The following SAPCD2 variants were observed in gnomAD, a reference collection of about 807,000 sequenced individuals.
SAPCD2 encodes the protein suppressor APC domain-containing protein 2.
SAPCD2 carries 34 observed loss-of-function variants against 37.8 expected under a neutral mutation model. That is an observed-to-expected ratio of 0.90 (90% CI 0.68 to 1.20). The LOEUF is 1.20. Among genes scored for constraint, SAPCD2 ranks in the 50% most tolerant of loss-of-function variants. The pLI, the probability that SAPCD2 is intolerant of heterozygous loss-of-function variation, is 0.00. For missense variants in SAPCD2, 572 were observed against 584.7 expected (o/e 0.98, Z 0.22); for synonymous variants, 275 against 270.3 (o/e 1.02, Z -0.17).
chr9:137,069,917 G>C lies in SAPCD2; in HGVS notation c.544C>G (p.Leu182Val), dbSNP rs1832599153. 3 of 1,284,138 alleles carry C rather than the reference G, an allele frequency of 2.3e-6. No homozygotes were observed. The highest frequency in any genetic ancestry group is 3.0e-6 in the Non-Finnish European group (3 of 1,013,930). The allele number at this position is 1,284,138 out of a possible 1,614,324, so 79.5% of individuals were successfully genotyped here. ...GCGTCCGCGCTGGAGCTCGGTTCCAGCGCCGCGCTCTGGGACCGCTCGGGC... is the reference window on the plus strand; with the variant it reads ...GCGTCCGCGCTGGAGCTCGGTTCCACCGCCGCGCTCTGGGACCGCTCGGGC... The part of the protein sequence containing the change: ...AEPERSQSAA[L>V]EPSSSADAGA... Residue 182 changes from leucine (L) to valine (V), a missense_variant, in exon 1 of 6, where the codon CTG (leucine) becomes GTG (valine). Transcript: ENST00000409687.
Position 137,064,404 on chromosome 9 carries a change from G to A in SAPCD2, c.*255C>T, listed in dbSNP as rs1349892188. ...ACTGACAGCGGCAGTAGTAGCTGCG[G>A]ACTATGCGGACTCAAGAGAGCCCCA... On this transcript the variant is annotated 3_prime_UTR_variant, in exon 6 of 6. Transcript: ENST00000409687. 1 of 563,624 alleles carries A rather than the reference G, an allele frequency of 1.8e-6. No individual in the cohort carries two copies. The highest frequency in any genetic ancestry group is 3.2e-6 in the Non-Finnish European group (1 of 313,690). The allele number at this position is 563,624 out of a possible 1,614,324, so 34.9% of individuals were successfully genotyped here. A position where few individuals can be genotyped will look rare whatever the true frequency, so the allele number is the denominator to read the frequency against.
At position 137,064,630 on chromosome 9, in the gene SAPCD2, G is replaced by A. The variant is rs1323863484; in HGVS notation, c.*29C>T. ...CCTCGAAGGGCTGAGTGCCAGGCTG[G>A]CCCTGGGGGCCCACGCGGCCCACAA... is the stretch of plus-strand genomic sequence containing the variant. On this transcript the variant is annotated 3_prime_UTR_variant, in exon 6 of 6. Transcript: ENST00000409687. 1.3e-6 allele frequency: 2 copies of A among 1,581,386 alleles called. No individual in the cohort carries two copies. Among genetic ancestry groups the A allele is most frequent in the African/African-American group, 1.3e-5 (1 of 74,294 alleles).
In SAPCD2 at chr9:137,064,918, A is replaced by C; in HGVS notation, c.1001T>G (p.Val334Gly). Residue 334 changes from valine (V) to glycine (G), a missense_variant, in exon 5 of 6, where the codon GTC (valine) becomes GGC (glycine). Coordinates refer to ENST00000409687, the MANE Select transcript of SAPCD2 (RefSeq NM_178448.4). Reference protein sequence around the residue: ...CPALTSTSPPVWQQQTILMLK... With the variant: ...CPALTSTSPPGWQQQTILMLK... The stretch of plus-strand genomic sequence containing the variant: ...CATGAGGATGGTCTGCTGCTGCCAG[A>C]CCGGGGGTGAGGTGGACGTCAGGGC... The C allele has an allele frequency of 6.4e-7, 1 of 1,557,148 alleles. No homozygotes were observed. The highest frequency in any genetic ancestry group is 8.7e-7 in the Non-Finnish European group (1 of 1,151,086).
chr9:137,068,823 A>G lies in SAPCD2; in HGVS notation c.571+1067T>C, dbSNP rs530124277. Reference sequence around the variant, plus strand: ...GGCTGATTTCAAACTGCATGGCCACATGGATGACGCTGACCCTGCATTTGG... The same window carrying G: ...GGCTGATTTCAAACTGCATGGCCACGTGGATGACGCTGACCCTGCATTTGG... On this transcript the variant is annotated intron_variant, in intron 1 of 5. Coordinates refer to ENST00000409687, the MANE Select transcript of SAPCD2 (RefSeq NM_178448.4). 3.3e-5 allele frequency among the ~76,000 whole-genome samples: 5 copies of G among 152,346 alleles called. No individual in the cohort carries two copies. In the South Asian group the frequency reaches 1.0e-3, roughly 32 times the overall value.
chr9:137,064,541 G>T lies in SAPCD2; in HGVS notation c.*118C>A. The T allele has an allele frequency of 8.0e-7, 1 of 1,249,988 alleles. No homozygotes were observed. The allele number at this position is 1,249,988 out of a possible 1,614,324, so 77.4% of individuals were successfully genotyped here. ...AGGGCGGCAGGAAGGCGCCCACTCC[G>T]GGACTGTGCCTGGGCCTGCCGGGGG... On this transcript the variant is annotated 3_prime_UTR_variant, in exon 6 of 6. Transcript: ENST00000409687.
chr9:137,064,841 A>G (rs1324662397), intron 5 of SAPCD2, 22 bp downstream of exon 5: 12 of 1,570,570 alleles, frequency 7.6e-6, no homozygotes, highest in Non-Finnish European at 1.0e-5. Flanking sequence ...CCACCCCTGC[A>G]CCCCTCCCGC....
chr9:137,066,140 T>C (rs2131529308), intron 2 of SAPCD2, 122 bp downstream of exon 2: 3 of 773,292 alleles, frequency 3.9e-6, no homozygotes, highest in Admixed American at 4.4e-5. Flanking sequence ...GGGAGAGAGA[T>C]GTCCAGAGCT....
Position 137,065,071 on chromosome 9 carries a change from C to T in SAPCD2, c.939+7G>A. 1 of 1,520,600 alleles carries T rather than the reference C, an allele frequency of 6.6e-7. No individual in the cohort carries two copies. The highest frequency in any genetic ancestry group is 8.8e-7 in the Non-Finnish European group (1 of 1,132,432). The allele number at this position is 1,520,600 out of a possible 1,614,324, so 94.2% of individuals were successfully genotyped here. On this transcript the variant is annotated splice_region_variant and intron_variant, in intron 4 of 5. Transcript: ENST00000409687. ...AGCGTGGGTGTGGGGGTTTGGGGTA[C>T]ACTCACCCGGCTGGCACAGGCTGCA...
chr9:137,065,638 TCTC>T lies in SAPCD2; in HGVS notation c.712_714del (p.Glu238del), dbSNP rs755834020. 11 of 1,607,936 alleles carry T rather than the reference TCTC, an allele frequency of 6.8e-6. No individual in the cohort carries two copies. Among genetic ancestry groups the T allele is most frequent in the South Asian group, 5.5e-5 (5 of 90,820 alleles). On this transcript the variant is annotated inframe_deletion, in exon 3 of 6. Transcript: ENST00000409687. ...TCCAAACCCTGCAGCAGCACCTCCT[TCTC>T]CTGCTCCAGCTCCTTCATCTGCTTC...
chr9:137,064,835 C>T, intron 5 of SAPCD2, 28 bp downstream of exon 5: 3 of 1,576,112 alleles, frequency 1.9e-6, no homozygotes, highest in Non-Finnish European at 2.6e-6. Flanking sequence ...TCACCCCCAC[C>T]CCTGCACCCC....
chr9:137,068,048 C>G (rs1375524833), intron 1 of SAPCD2, among the ~76,000 whole-genome samples: 1 of 152,202 alleles, frequency 6.6e-6, no homozygotes, highest in African/African-American at 2.4e-5. Flanking sequence ...GCCCCAGCAC[C>G]AGGCACATCC....
chr9:137,065,696 C>T (rs1205231030), intron 2 of SAPCD2, 28 bp from the exon 3 acceptor site: 2 of 1,581,248 alleles, frequency 1.3e-6, no homozygotes, highest in East Asian at 2.3e-5. Context: ...ACATGGAATG[C>T]CTGGCCCCAG....
Position 137,069,966 on chromosome 9 carries a change from A to G in SAPCD2, c.495T>C (p.Ala165=), listed in dbSNP as rs1832600069. Residue 165 remains alanine (A), a synonymous_variant, in exon 1 of 6, where the codon GCT becomes GCC. Coordinates refer to ENST00000409687, the MANE Select transcript of SAPCD2 (RefSeq NM_178448.4). ...GCTCCGCGGGGCAGGGCGCCGCCTCAGCCGGGGCGCACAGCTGCTCCGGGC... is the reference window on the plus strand; with the variant it reads ...GCTCCGCGGGGCAGGGCGCCGCCTCGGCCGGGGCGCACAGCTGCTCCGGGC... The part of the protein sequence containing the change: ...ARSPEQLCAP[A]EAAPCPAEPE... 1 of 1,249,920 alleles carries G rather than the reference A, an allele frequency of 8.0e-7. No individual in the cohort carries two copies. The highest frequency in any genetic ancestry group is 3.1e-4 in the Middle Eastern group (1 of 3,206). The allele number at this position is 1,249,920 out of a possible 1,614,324, so 77.4% of individuals were successfully genotyped here.
chr9:137,067,054 C>T (rs1286902318), intron 1 of SAPCD2, among the ~76,000 whole-genome samples: 1 of 152,140 alleles, frequency 6.6e-6, no homozygotes. Flanking sequence ...ATGGTATGAT[C>T]TTGGCTCACT....
In SAPCD2 at chr9:137,064,315, G is replaced by A; in HGVS notation, c.*344C>T. 2.8e-6 allele frequency: 1 copy of A among 359,686 alleles called. No homozygotes were observed. Among genetic ancestry groups the A allele is most frequent in the Non-Finnish European group, 5.2e-6 (1 of 193,538 alleles). The allele number at this position is 359,686 out of a possible 1,614,324, so 22.3% of individuals were successfully genotyped here. ...TGGGCAGTGCCTTTCCCTGAAGATG[G>A]GACCCAGGGCGGCACCGCTGGAAAC... On this transcript the variant is annotated 3_prime_UTR_variant, in exon 6 of 6. Transcript: ENST00000409687.
rs1389797610 is a variant in SAPCD2 at position 137,063,834 on chromosome 9, A to AC, written c.*824dup. On this transcript the variant is annotated 3_prime_UTR_variant, in exon 6 of 6. Transcript: ENST00000409687. ...GTGAGAGCAAAGGGGGGTGAGCAGG[A>AC]CCCCAGGCCTTGGAAATCCTGAGTC... 6.6e-6 allele frequency: 1 copy of AC among 152,134 alleles called. No individual in the cohort carries two copies. The highest frequency in any genetic ancestry group is 1.5e-5 in the Non-Finnish European group (1 of 68,078). 9.4% of individuals were successfully genotyped at this position (152,134 alleles called of 1,614,324 possible). A position where few individuals can be genotyped will look rare whatever the true frequency, so the allele number is the denominator to read the frequency against.
At chr9:137,065,481 C>T (rs763205676) in intron 3 of SAPCD2, 41 bp downstream of exon 3, 71 of 1,551,520 alleles carry the variant, frequency 4.6e-5, no homozygotes, top group Admixed American at 7.5e-5. Flanking sequence ...GAGCTGGGGT[C>T]CCCATGTGTG....
chr9:137,065,701 C>T, intron 2 of SAPCD2, 33 bp from the exon 3 acceptor site: 1 of 1,575,646 alleles, frequency 6.3e-7, no homozygotes. Context: ...GAATGCCTGG[C>T]CCCAGTGAGC....
In SAPCD2 at chr9:137,064,580, A is replaced by G. The variant is rs1832513921; in HGVS notation, c.*79T>C. 1.3e-6 allele frequency: 2 copies of G among 1,495,714 alleles called. No individual in the cohort carries two copies. The highest frequency in any genetic ancestry group is 4.0e-5 in the Admixed American group (2 of 49,840). 92.7% of individuals were successfully genotyped at this position (1,495,714 alleles called of 1,614,324 possible). ...GCCTGCCGGGGGTCTCCAGCCAGAG[A>G]GGGTGGGTGCGATGGGGCGCCCACC... On this transcript the variant is annotated 3_prime_UTR_variant, in exon 6 of 6. Transcript: ENST00000409687.
Sources: allele counts gnomAD v4.1 joint callset (sites outside exome capture counted in the v4.1 genomes callset), GRCh38; gene constraint gnomAD v4.1.1; transcripts MANE v1.5; gene names NCBI Gene and HGNC (gene_info 2026-07-23, HGNC 2026-07-21).